SIM1: variants seen among roughly 807,000 people sequenced by gnomAD.
SIM1 encodes SIM bHLH transcription factor 1.
A neutral mutation model predicts 78.2 loss-of-function variants in SIM1; 18 were observed. The observed-to-expected ratio is 0.23, with a 90% CI of 0.16 to 0.34. The LOEUF is 0.34. Ranked by LOEUF, SIM1 falls within the 10% of genes least tolerant of loss-of-function variation. SIM1 has a pLI of 1.00. For synonymous variants in SIM1, 417 were observed against 385.2 expected, an observed-to-expected ratio of 1.08 and a Z score of -0.97; for missense variants, 939 against 975.1, an observed-to-expected ratio of 0.96 and a Z score of 0.49.
intron 10 of SIM1, among the ~76,000 whole-genome samples, chr6:100,396,358 G>A (rs1302255361): frequency 6.6e-6 from 1 of 152,014 alleles, no homozygotes; most frequent in Non-Finnish European, 1.5e-5. Flanking sequence ...CTGTTAAGAG[G>A]GGGAAAAGCT....
At chr6:100,440,220 G>A (rs925616532) in intron 9 of SIM1, among the ~76,000 whole-genome samples, 3 of 152,146 alleles carry the variant, frequency 2.0e-5, no homozygotes, top group African/African-American at 7.2e-5. Flanking sequence ...AGGTGGGTAC[G>A]AATGTCCCCA....
chr6:100,434,200 T>A (rs2114522069), intron 9 of SIM1, among the ~76,000 whole-genome samples: 1 of 152,324 alleles, frequency 6.6e-6, no homozygotes, highest in South Asian at 2.1e-4. Flanking sequence ...GGAATGAAAT[T>A]GACACCCACT....
intron 2 of SIM1, chr6:100,462,790 A>T (rs1207994622): frequency 2.6e-5 from 4 of 152,442 alleles, no homozygotes; most frequent in African/African-American, 9.6e-5. Flanking sequence ...AAATTCAGGC[A>T]TACTTGTTCA....
intron 9 of SIM1, among the ~76,000 whole-genome samples, chr6:100,439,843 G>A (rs185535952): frequency 1.3e-5 from 2 of 152,174 alleles, no homozygotes; most frequent in African/African-American, 4.8e-5. Flanking sequence ...AATAAATGCT[G>A]TGTTTTCTCC....
At position 100,391,019 on chromosome 6, in the gene SIM1, C is replaced by T. The variant is rs149460504; in HGVS notation, c.1643G>A (p.Arg548Gln). 55 of 1,614,116 alleles carry T rather than the reference C, an allele frequency of 3.4e-5. No homozygotes were observed. Among genetic ancestry groups the T allele is most frequent in the African/African-American group, 6.7e-5 (5 of 75,016 alleles). ...DPGSASESGD[R>Q]YRTEQYQSSP... ...ACTTTGATACTGCTCAGTACGATAT[C>T]GGTCACCTGATTCACTGGCCGACCC... The change falls in exon 12 of 12, where the codon CGA becomes CAA. Residue 548 changes from arginine (R) to glutamine (Q), a missense_variant. Transcript: ENST00000369208.
At chr6:100,397,480 C>T (rs1016269462) in intron 10 of SIM1, among the ~76,000 whole-genome samples, 2 of 152,008 alleles carry the variant, frequency 1.3e-5, no homozygotes, top group Non-Finnish European at 2.9e-5. Context: ...GGCAAAAAAT[C>T]AAATAAATCT....
chr6:100,456,256 G>C (rs748673501), intron 2 of SIM1, among the ~76,000 whole-genome samples: 1 of 152,190 alleles, frequency 6.6e-6, no homozygotes, highest in Non-Finnish European at 1.5e-5. Context: ...GTCTCGAAGT[G>C]GGGTAGAGAC....
chr6:100,401,741 C>T (rs916171097), intron 10 of SIM1, among the ~76,000 whole-genome samples: 7 of 152,032 alleles, frequency 4.6e-5, no homozygotes, highest in Non-Finnish European at 1.0e-4. Flanking sequence ...CAGAAAAATC[C>T]CATATAGTAA....
intron 10 of SIM1, among the ~76,000 whole-genome samples, chr6:100,398,008 C>A (rs1390176864): frequency 6.6e-6 from 1 of 152,028 alleles, no homozygotes; most frequent in Non-Finnish European, 1.5e-5. Context: ...AAAATAATGA[C>A]AACACCAATT....
chr6:100,400,534 A>C (rs991258543), intron 10 of SIM1, among the ~76,000 whole-genome samples: 11 of 152,136 alleles, frequency 7.2e-5, no homozygotes, highest in African/African-American at 2.4e-4. Context: ...TTAAATACAG[A>C]ATTCTGGAGG....
chr6:100,394,857 G>T (rs1770731526), intron 10 of SIM1, among the ~76,000 whole-genome samples: 1 of 152,176 alleles, frequency 6.6e-6, no homozygotes, highest in East Asian at 1.9e-4. Context: ...TAATTCAACT[G>T]CAATGTAACT....
chr6:100,448,320 C>G (rs3213540), intron 7 of SIM1, 68 bp from the exon 8 acceptor site: 1 of 1,404,738 alleles, frequency 7.1e-7, no homozygotes, highest in Non-Finnish European at 9.8e-7. Context: ...CACACACCCT[C>G]GACAGCCGTC....
rs759468429 is a variant in SIM1 at position 100,420,889 on chromosome 6, A to G, written c.1068T>C (p.Tyr356=). The G allele has an allele frequency of 1.2e-6, 2 of 1,614,010 alleles. No individual in the cohort carries two copies. Among genetic ancestry groups the G allele is most frequent in the Non-Finnish European group, 1.7e-6 (2 of 1,179,994 alleles). Residue 356 remains tyrosine (Y), a synonymous_variant, in exon 10 of 12, where the codon TAT becomes TAC. Coordinates refer to ENST00000369208, the MANE Select transcript of SIM1 (RefSeq NM_005068.3). ...QISASKPAFS[Y]TSSSTPTMTD... is the part of the protein sequence containing the mutation. The stretch of plus-strand genomic sequence containing the variant: ...TCATGGTGGGGGTGGAGCTGCTGGT[A>G]TAGGAGAAGGCTGGTTTGGAGGCTG...
chr6:100,402,701 G>C (rs1011984069), intron 10 of SIM1, among the ~76,000 whole-genome samples: 1 of 147,572 alleles, frequency 6.8e-6, no homozygotes, highest in Non-Finnish European at 1.5e-5. Flanking sequence ...CCTCAGCCTC[G>C]CGAGTAGCTG....
At chr6:100,393,162 C>T (rs957838035) in intron 11 of SIM1, among the ~76,000 whole-genome samples, 3 of 151,962 alleles carry the variant, frequency 2.0e-5, no homozygotes, top group Admixed American at 1.3e-4. Flanking sequence ...ATTTGAAGCA[C>T]GAAAATACAA....
intron 10 of SIM1, among the ~76,000 whole-genome samples, chr6:100,408,306 T>C (rs1771102165): frequency 6.6e-6 from 1 of 152,088 alleles, no homozygotes; most frequent in Non-Finnish European, 1.5e-5. Flanking sequence ...CTGGGGTATA[T>C]GTCTGTTTTA....
chr6:100,443,727 C>T (rs1028264727), intron 9 of SIM1, among the ~76,000 whole-genome samples: 17 of 151,944 alleles, frequency 1.1e-4, no homozygotes, highest in African/African-American at 4.1e-4. Context: ...AGTGGCTACG[C>T]AGGAAAATGC....
At chr6:100,412,801 G>C (rs1398881085) in intron 10 of SIM1, among the ~76,000 whole-genome samples, 1 of 151,870 alleles carries the variant, frequency 6.6e-6, no homozygotes, top group Non-Finnish European at 1.5e-5. Flanking sequence ...AGGAAGGAAG[G>C]ACGGACGGAC....
chr6:100,449,510 C>T, intron 5 of SIM1, 62 bp from the exon 6 acceptor site: 3 of 1,576,662 alleles, frequency 1.9e-6, no homozygotes, highest in Non-Finnish European at 2.6e-6. Context: ...GGACAGCACG[C>T]GTCTCTGCCA....
Sources: gnomAD v4.1 joint callset for allele counts (sites outside exome capture counted in the v4.1 genomes callset) on GRCh38, gnomAD v4.1.1 for gene constraint, MANE v1.5 for transcripts, NCBI Gene and HGNC (gene_info 2026-07-23, HGNC 2026-07-21) for gene names.